The following BPI variants were observed in gnomAD, a reference collection of about 807,000 sequenced individuals.
BPI encodes bactericidal permeability increasing protein, also known as bactericidal permeability-increasing protein.
BPI carries 48 observed loss-of-function variants against 57.6 expected under a neutral mutation model. The observed-to-expected ratio is 0.83, with a 90% CI of 0.66 to 1.06. The LOEUF is 1.06. Among genes scored for constraint, BPI ranks in the 50% least tolerant of loss-of-function variants. BPI has a pLI of 0.00. For synonymous variants in BPI, 237 were observed against 238.2 expected, an observed-to-expected ratio of 0.99 and a Z score of 0.05; for missense variants, 651 against 609.7, an observed-to-expected ratio of 1.07 and a Z score of -0.71.
chr20:38,308,784 C>A, intron 2 of BPI, 146 bp from the exon 3 acceptor site: 2 of 1,130,894 alleles, frequency 1.8e-6, no homozygotes, highest in African/African-American at 1.6e-5. Flanking sequence ...GCCAAGCCTG[C>A]TTTCTTAGCT....
intron 12 of BPI, 78 bp from the exon 13 acceptor site, chr20:38,334,352 G>A: frequency 7.4e-7 from 1 of 1,352,912 alleles, no homozygotes; most frequent in Non-Finnish European, 1.1e-6. Flanking sequence ...GGTGACAGAG[G>A]TGGGGTGATG....
intron 7 of BPI, chr20:38,321,757 G>A (rs1166445921): frequency 6.6e-6 from 1 of 151,918 alleles, no homozygotes; most frequent in Non-Finnish European, 1.5e-5. Context: ...AATTACCCGA[G>A]TCTACAACCT....
In BPI at chr20:38,334,331, G is replaced by C. The variant is rs6024929; in HGVS notation, c.1273-99G>C. 7.5e-6 allele frequency: 9 copies of C among 1,197,992 alleles called. No homozygotes were observed. In the African/African-American group the frequency reaches 1.3e-4, roughly 18 times the overall value. 74.2% of individuals were successfully genotyped at this position (1,197,992 alleles called of 1,614,324 possible). On this transcript the variant is annotated intron_variant, in intron 12 of 14. Coordinates refer to ENST00000642449, the MANE Select transcript of BPI (RefSeq NM_001725.3). ...ACTGCGCGGTTGCTGAGCAGCGCTAGGGGAAAGGAGGGTGACAGAGGTGGG... is the reference window on the plus strand; with the variant it reads ...ACTGCGCGGTTGCTGAGCAGCGCTACGGGAAAGGAGGGTGACAGAGGTGGG...
intron 1 of BPI, among the ~76,000 whole-genome samples, chr20:38,307,326 T>C (rs2076601579): frequency 6.6e-6 from 1 of 152,250 alleles, no homozygotes; most frequent in Non-Finnish European, 1.5e-5. Context: ...ATATTGTCTA[T>C]GGCTGTTTTG....
Position 38,337,160 on chromosome 20 carries a change from C to CGGTGCAGA in BPI, c.1429_1436dup (p.Asp479GlufsTer41). ...TCTCTCCCTAGAACTTCCTGCTGTT[C>CGGTGCAGA]GGTGCAGACGTTGTCTATAAATGAA... On this transcript the variant is annotated frameshift_variant, in exon 15 of 15. Transcript: ENST00000642449. LOFTEE classifies it high-confidence loss of function. 6.3e-7 allele frequency: 1 copy of CGGTGCAGA among 1,596,030 alleles called. No homozygotes were observed.
rs1247492267 is a variant in BPI at position 38,307,667 on chromosome 20, T to C, written c.231T>C (p.His77=). The C allele has an allele frequency of 1.2e-6, 2 of 1,610,808 alleles. No homozygotes were observed. Among genetic ancestry groups the C allele is most frequent in the African/African-American group, 1.3e-5 (1 of 74,864 alleles). ...SFKIKHLGKG[H]YSFYSMDIRE... The stretch of plus-strand genomic sequence containing the variant: ...AGATCAAGCATCTTGGGAAGGGGCA[T>C]TATAGCTTCTACAGGTGAGGCCTAT... Residue 77 remains histidine, a synonymous_variant, in exon 2 of 15, where the codon CAT becomes CAC. Transcript: ENST00000642449.
Position 38,320,236 on chromosome 20 carries a change from C to T in BPI, c.718C>T (p.Pro240Ser). The T allele has an allele frequency of 6.2e-7, 1 of 1,614,078 alleles. No individual in the cohort carries two copies. The highest frequency in any genetic ancestry group is 8.5e-7 in the Non-Finnish European group (1 of 1,179,994). ...AGINYGLVAP[P>S]ATTAETLDVQ... The stretch of plus-strand genomic sequence containing the variant: ...AATCAACTATGGTCTGGTGGCACCT[C>T]CAGCAACCACGGCTGAGACCCTGGA... The change falls in exon 7 of 15, where the codon CCA (proline) becomes TCA (serine). Residue 240 changes from proline to serine, a missense_variant. Physicochemically the swap from Pro to Ser is moderately conservative, Grantham distance 74. Transcript: ENST00000642449.
chr20:38,332,892 C>T (rs772378363), intron 12 of BPI, among the ~76,000 whole-genome samples: 1 of 152,154 alleles, frequency 6.6e-6, no homozygotes, highest in Non-Finnish European at 1.5e-5. Flanking sequence ...CTGTGTCTAA[C>T]GTCAGAAGCT....
intron 2 of BPI, among the ~76,000 whole-genome samples, chr20:38,308,664 G>A (rs1007421145): frequency 6.6e-6 from 1 of 152,212 alleles, no homozygotes; most frequent in Non-Finnish European, 1.5e-5. Context: ...AGGAAACTGA[G>A]GCTGGGGTAA....
rs768021012 is a variant in BPI, at chr20:38,331,090, G to A, written c.1272G>A (p.Pro424=). The stretch of plus-strand genomic sequence containing the variant: ...AGCACTCAAATATTGGCCCCTTCCC[G>A]GTGAGTCTGAGGCCCTTGGTGGCTT... ...ELKHSNIGPF[P]VELLQDIMNY... Residue 424 remains proline, a splice_region_variant and synonymous_variant, in exon 12 of 15, where the codon CCG becomes CCA. Transcript: ENST00000642449. 55 of 1,613,914 alleles carry A rather than the reference G, an allele frequency of 3.4e-5. No individual in the cohort carries two copies. Among genetic ancestry groups the A allele is most frequent in the Middle Eastern group, 3.3e-4 (2 of 6,084 alleles).
chr20:38,313,883 GGAT>G (rs748943891), intron 5 of BPI, among the ~76,000 whole-genome samples: 213 of 149,766 alleles, frequency 1.4e-3, no homozygotes, highest in South Asian at 2.3e-3. Flanking sequence ...GGTAATGATG[GGAT>G]GATGATGATG....
At position 38,310,577 on chromosome 20, in the gene BPI, A is replaced by T. The variant is rs539482020; in HGVS notation, c.461A>T (p.Lys154Met). Residue 154 changes from lysine to methionine, a missense_variant, in exon 4 of 15, where the codon AAG becomes ATG. By Grantham distance (95) the Lys-to-Met change is moderately conservative (BLOSUM62 -1). Transcript: ENST00000642449. ...LKLGSNPTSG[K>M]PTITCSSCSS... ...CTGGGCAGTAACCCCACGTCAGGCA[A>T]GCCCACCATCACCTGCTCCAGCTGC... 5.1e-5 allele frequency: 82 copies of T among 1,614,176 alleles called. No individual in the cohort carries two copies. The South Asian group carries it at 8.8e-4, about 17-fold the overall frequency.
In BPI at chr20:38,307,793, CA is replaced by C. The variant is rs1190801834; in HGVS notation, c.245+115del. 4 of 906,546 alleles carry C rather than the reference CA, an allele frequency of 4.4e-6. No homozygotes were observed. In the African/African-American group the frequency reaches 7.0e-5, roughly 16 times the overall value. 56.2% of individuals were successfully genotyped at this position (906,546 alleles called of 1,614,324 possible). On this transcript the variant is annotated intron_variant, in intron 2 of 14. Coordinates refer to ENST00000642449, the MANE Select transcript of BPI (RefSeq NM_001725.3). ...CCTCAACTCACAGAGTTTCATATCCCAAAGCCTGCATTTACATCATCCCAAG... is the reference window on the plus strand; with the variant it reads ...CCTCAACTCACAGAGTTTCATATCCCAAGCCTGCATTTACATCATCCCAAG...
intron 10 of BPI, 118 bp downstream of exon 10, chr20:38,326,550 G>A (rs1371057069): frequency 2.5e-5 from 31 of 1,256,164 alleles, no homozygotes; most frequent in South Asian, 1.4e-4. Flanking sequence ...GTGTCACTCC[G>A]GAGCCTGAGG....
At chr20:38,333,076 G>T (rs760865654) in intron 12 of BPI, among the ~76,000 whole-genome samples, 132 of 152,006 alleles carry the variant, frequency 8.7e-4, no homozygotes, top group South Asian at 2.9e-3. Flanking sequence ...AAGTCATACC[G>T]TCCCAGTGTC....
At position 38,337,235 on chromosome 20, in the gene BPI, G is replaced by A. The variant is rs373106959; in HGVS notation, c.*51G>A. On this transcript the variant is annotated 3_prime_UTR_variant, in exon 15 of 15. Transcript: ENST00000642449. ...CAGCCACACCTGTTCCTGATGGGCT[G>A]TGGGGCACCGGCTGCCTTTCCCCAG... 131 of 1,491,444 alleles carry A rather than the reference G, an allele frequency of 8.8e-5. No individual in the cohort carries two copies. Among genetic ancestry groups the A allele is most frequent in the Non-Finnish European group, 1.1e-4 (126 of 1,104,820 alleles). 92.4% of individuals were successfully genotyped at this position (1,491,444 alleles called of 1,614,324 possible). A position where few individuals can be genotyped will look rare whatever the true frequency, so the allele number is the denominator to read the frequency against.
chr20:38,335,571 G>T (rs1284810487), intron 13 of BPI, 27 bp from the exon 14 acceptor site: 3 of 1,602,638 alleles, frequency 1.9e-6, no homozygotes, highest in African/African-American at 1.3e-5. Flanking sequence ...CTTTTCTCCT[G>T]GTCCTCACCA....
chr20:38,330,222 G>C (rs1417487603), intron 11 of BPI, among the ~76,000 whole-genome samples: 2 of 152,006 alleles, frequency 1.3e-5, no homozygotes, highest in East Asian at 3.9e-4. Flanking sequence ...ACTCTAGCCT[G>C]AGCTAGTGAG....
intron 2 of BPI, among the ~76,000 whole-genome samples, chr20:38,308,124 C>T (rs1291878379): frequency 6.6e-6 from 1 of 152,126 alleles, no homozygotes; most frequent in African/African-American, 2.4e-5. Flanking sequence ...CAGTGTGTCC[C>T]CTCCAGAGGC....
Sources: gnomAD v4.1 joint callset for allele counts (sites outside exome capture counted in the v4.1 genomes callset) on GRCh38, gnomAD v4.1.1 for gene constraint, MANE v1.5 for transcripts, NCBI Gene and HGNC (gene_info 2026-07-23, HGNC 2026-07-21) for gene names.